IL7: variants seen among roughly 807,000 people sequenced by gnomAD.
IL7 encodes interleukin 7, also known as interleukin-7.
IL7 carries 3 observed loss-of-function variants against 21.6 expected under a neutral mutation model. The ratio of observed to expected loss-of-function variants is 0.14; its 90% CI spans 0.06 to 0.36. The LOEUF (loss-of-function observed/expected upper bound fraction) is 0.36, where lower values mean the gene tolerates loss of function less well. Among genes scored for constraint, IL7 ranks in the 10% least tolerant of loss-of-function variants. IL7 has a pLI of 1.00. For missense variants in IL7, 175 were observed against 200.2 expected, an observed-to-expected ratio of 0.87 and a Z score of 0.76; for synonymous variants, 62 against 68.1, an observed-to-expected ratio of 0.91 and a Z score of 0.44.
Position 78,756,554 on chromosome 8 carries a change from T to C in IL7, c.148-16472A>G, listed in dbSNP as rs1812355096. Among the ~76,000 whole-genome samples the C allele has an allele frequency of 2.0e-5, 3 of 151,928 alleles. No individual in the cohort carries two copies. In the South Asian group the frequency reaches 6.2e-4, roughly 31 times the overall value. On this transcript the variant is annotated intron_variant, in intron 2 of 5. Coordinates refer to ENST00000263851, the MANE Select transcript of IL7 (RefSeq NM_000880.4). ...TCTGGTTCTGTCTTGACAGGGTAGATGTATTTAGGAATTGATTCATTTCCG... is the reference window on the plus strand; with the variant it reads ...TCTGGTTCTGTCTTGACAGGGTAGACGTATTTAGGAATTGATTCATTTCCG...
intron 3 of IL7, chr8:78,686,421 G>A: frequency 7.9e-7 from 1 of 1,267,998 alleles, no homozygotes; most frequent in Non-Finnish European, 1.0e-6. Context: ...ATACTAAAAA[G>A]ATACTGTTTG....
chr8:78,698,472 C>A, intron 3 of IL7: 1 of 1,613,054 alleles, frequency 6.2e-7, no homozygotes, highest in Non-Finnish European at 8.5e-7. Flanking sequence ...AACTTCAGAC[C>A]TTATCTCCCT....
chr8:78,686,600 A>G, intron 3 of IL7: 2 of 1,511,646 alleles, frequency 1.3e-6, no homozygotes, highest in South Asian at 1.4e-5. Context: ...CCACCTTCTT[A>G]TGATCCTGGT....
downstream of IL7, among the ~76,000 whole-genome samples, chr8:78,729,983 A>G (rs879559295): frequency 2.6e-5 from 4 of 151,986 alleles, no homozygotes; most frequent in Non-Finnish European, 4.4e-5. Context: ...TCCACCTGGG[A>G]AAGCATGGGA....
intron 3 of IL7, among the ~76,000 whole-genome samples, chr8:78,706,850 G>A (rs756497724): frequency 6.6e-6 from 1 of 151,630 alleles, no homozygotes; most frequent in Non-Finnish European, 1.5e-5. Flanking sequence ...AGACCTAAAG[G>A]AATATAATGT....
intron 4 of IL7, among the ~76,000 whole-genome samples, chr8:78,682,179 A>T (rs923092803): frequency 1.5e-4 from 23 of 152,184 alleles, no homozygotes; most frequent in African/African-American, 5.5e-4. Flanking sequence ...AGCCAGCATC[A>T]TGTTTAGTGG....
At chr8:78,715,078 A>G, downstream of IL7, 1 of 694,000 alleles carries the variant, frequency 1.4e-6, no homozygotes. Context: ...ATTTGCTTTC[A>G]GATTTAAAAT....
chr8:78,786,354 A>G (rs1813509748), intron 2 of IL7, among the ~76,000 whole-genome samples: 1 of 152,202 alleles, frequency 6.6e-6, no homozygotes, highest in Non-Finnish European at 1.5e-5. Context: ...CAGTAAAAAT[A>G]TGGTATAAAA....
At chr8:78,757,084 G>A (rs1306781373) in intron 2 of IL7, among the ~76,000 whole-genome samples, 1 of 151,132 alleles carries the variant, frequency 6.6e-6, no homozygotes, top group Non-Finnish European at 1.5e-5. Context: ...GGTATGTTGT[G>A]TTTACATTTT....
chr8:78,755,585 C>T (rs1812319736), intron 2 of IL7, among the ~76,000 whole-genome samples: 1 of 151,314 alleles, frequency 6.6e-6, no homozygotes, highest in South Asian at 2.1e-4. Context: ...ATTTTATTTT[C>T]CTGGCAAAAA....
chr8:78,792,109 C>A (rs372301428), intron 2 of IL7, among the ~76,000 whole-genome samples: 26 of 151,978 alleles, frequency 1.7e-4, no homozygotes, highest in African/African-American at 6.3e-4. Context: ...AATGGATTAC[C>A]ATGGAGAGGT....
intron 3 of IL7, among the ~76,000 whole-genome samples, chr8:78,725,387 C>T (rs1317024985): frequency 6.6e-6 from 1 of 151,048 alleles, no homozygotes; most frequent in African/African-American, 2.4e-5. Flanking sequence ...AGCTGTTCAG[C>T]CAGAAAGAGT....
intron 2 of IL7, among the ~76,000 whole-genome samples, chr8:78,795,766 T>A (rs1813832332): frequency 6.6e-6 from 1 of 152,108 alleles, no homozygotes; most frequent in Non-Finnish European, 1.5e-5. Context: ...ATGTCCAAAT[T>A]AGCAAGAAAT....
chr8:78,697,305 G>A, intron 3 of IL7: 2 of 910,062 alleles, frequency 2.2e-6, no homozygotes, highest in Non-Finnish European at 1.6e-6. Flanking sequence ...CATCTTGTAA[G>A]GCTGAAATCC....
downstream of IL7, among the ~76,000 whole-genome samples, chr8:78,716,060 G>A (rs1286096820): frequency 1.3e-5 from 2 of 149,240 alleles, no homozygotes; most frequent in Non-Finnish European, 3.0e-5. Context: ...AAAAAAGGCT[G>A]TTATAGTGTA....
chr8:78,687,597 T>C (rs948730650), intron 3 of IL7, among the ~76,000 whole-genome samples: 2 of 140,174 alleles, frequency 1.4e-5, no homozygotes, highest in African/African-American at 5.2e-5. Context: ...AAATTATATA[T>C]ATTTACATAA....
chr8:78,701,841 A>C (rs940087396), intron 3 of IL7, among the ~76,000 whole-genome samples: 3 of 152,184 alleles, frequency 2.0e-5, no homozygotes, highest in East Asian at 1.9e-4. Context: ...GATGAAGCCT[A>C]CTTGATCCTG....
intron 5 of IL7, chr8:78,719,384 C>T (rs573147398): frequency 1.3e-5 from 2 of 151,498 alleles, no homozygotes; most frequent in African/African-American, 4.8e-5. Context: ...TCATCTAGTT[C>T]CAGAGCCCAG....
chr8:78,686,491 A>C, intron 3 of IL7: 1 of 1,530,706 alleles, frequency 6.5e-7, no homozygotes, highest in Non-Finnish European at 8.8e-7. Context: ...GAAACCATCT[A>C]ATTGGAGAAG....
Sources: allele counts gnomAD v4.1 joint callset (sites outside exome capture counted in the v4.1 genomes callset), GRCh38; gene constraint gnomAD v4.1.1; transcripts MANE v1.5; gene names NCBI Gene and HGNC (gene_info 2026-07-23, HGNC 2026-07-21).